Variants in OGDH observed in about 807,000 individuals in gnomAD.
OGDH encodes 2-oxoglutarate dehydrogenase complex component E1.
Under a neutral mutation model 116.6 loss-of-function variants are expected in OGDH, and 38 were observed. That is an observed-to-expected ratio of 0.33 (90% CI 0.25 to 0.43). OGDH has a LOEUF of 0.43. Among genes scored for constraint, OGDH ranks in the 20% least tolerant of loss-of-function variants. The pLI is 1.00. For synonymous variants in OGDH, 488 were observed against 533.3 expected, an observed-to-expected ratio of 0.92 and a Z score of 1.17; for missense variants, 825 against 1,357.2, an observed-to-expected ratio of 0.61 and a Z score of 6.16.
intron 2 of OGDH, among the ~76,000 whole-genome samples, chr7:44,636,376 A>G (rs2115655067): frequency 6.6e-6 from 1 of 152,332 alleles, no homozygotes; most frequent in East Asian, 1.9e-4. Flanking sequence ...CTGCTGACTC[A>G]GGAAGGGCAG....
In OGDH at chr7:44,707,742, G is replaced by T; in HGVS notation, c.2951+6G>T. On this transcript the variant is annotated splice_donor_region_variant and intron_variant, in intron 22 of 22. Coordinates refer to ENST00000222673, the MANE Select transcript of OGDH (RefSeq NM_002541.4). This position sits in a 1 kb window ranked among gnomAD's most constrained non-coding sequence, Gnocchi z 5.2. Reference sequence around the variant, plus strand: ...AGCCGCGCCAAGCCCGTCTGGTAAGGCTTCAGTCCCTGCCAGGAAGGCTGT... The same window carrying T: ...AGCCGCGCCAAGCCCGTCTGGTAAGTCTTCAGTCCCTGCCAGGAAGGCTGT... 1 of 1,614,130 alleles carries T rather than the reference G, an allele frequency of 6.2e-7. No homozygotes were observed. The highest frequency in any genetic ancestry group is 2.2e-5 in the East Asian group (1 of 44,878).
chr7:44,684,377 A>T (rs552481630), intron 10 of OGDH, among the ~76,000 whole-genome samples: 4 of 152,318 alleles, frequency 2.6e-5, no homozygotes, highest in African/African-American at 4.8e-5. Context: ...AGAGGGAAAA[A>T]TTTAAATTTA....
Position 44,697,888 on chromosome 7 carries a change from T to C in OGDH, c.2358+106T>C. ...GAGCCAGTGGCTCACACCAGCCTCCTAAGGACTCTGCTGGTGCTTCCCATC... is the reference window on the plus strand; with the variant it reads ...GAGCCAGTGGCTCACACCAGCCTCCCAAGGACTCTGCTGGTGCTTCCCATC... On this transcript the variant is annotated intron_variant, in intron 17 of 22. Transcript: ENST00000222673. This position sits in a 1 kb window ranked among gnomAD's most constrained non-coding sequence, Gnocchi z 6.0. 3 of 1,321,992 alleles carry C rather than the reference T, an allele frequency of 2.3e-6. No individual in the cohort carries two copies. Among genetic ancestry groups the C allele is most frequent in the Non-Finnish European group, 3.1e-6 (3 of 980,114 alleles). 81.9% of individuals were successfully genotyped at this position (1,321,992 alleles called of 1,614,324 possible).
At chr7:44,644,146 A>G (rs1786069711) in intron 2 of OGDH, among the ~76,000 whole-genome samples, 1 of 152,248 alleles carries the variant, frequency 6.6e-6, no homozygotes, top group South Asian at 2.1e-4. Flanking sequence ...TGGAGGTTGC[A>G]GTGAGCCAAG....
Position 44,646,704 on chromosome 7 carries a change from C to A in OGDH, c.415-953C>A, listed in dbSNP as rs1423948556. On this transcript the variant is annotated intron_variant, in intron 3 of 22. Coordinates refer to ENST00000222673, the MANE Select transcript of OGDH (RefSeq NM_002541.4). ...AGAATCTTAAATTGGAAGGGATTTT[C>A]TTTCTCCTTTTGGTTTTTAAATAGT... is the stretch of plus-strand genomic sequence containing the variant. Among the ~76,000 whole-genome samples, 3 of 152,292 alleles carry A rather than the reference C, an allele frequency of 2.0e-5. No individual in the cohort carries two copies. In the East Asian group the frequency reaches 5.8e-4, roughly 29 times the overall value.
At chr7:44,623,259 A>G (rs1292908787) in intron 1 of OGDH, among the ~76,000 whole-genome samples, 1 of 151,584 alleles carries the variant, frequency 6.6e-6, no homozygotes, top group Non-Finnish European at 1.5e-5. Flanking sequence ...CTTCCCATCC[A>G]TGTCCTTTTG....
chr7:44,611,956 A>G (rs1027975421), intron 1 of OGDH, among the ~76,000 whole-genome samples: 4 of 152,146 alleles, frequency 2.6e-5, no homozygotes, highest in Non-Finnish European at 4.4e-5. Context: ...GTTCTGGGGT[A>G]CATGTGCACA....
chr7:44,616,860 CAT>C (rs1187563752), intron 1 of OGDH, among the ~76,000 whole-genome samples: 14 of 102,044 alleles, frequency 1.4e-4, no homozygotes, highest in Non-Finnish European at 2.1e-4. Context: ...TATATATACA[CAT>C]ATATATATAC....
intron 2 of OGDH, among the ~76,000 whole-genome samples, chr7:44,642,088 T>A (rs1213271360): frequency 6.6e-6 from 1 of 152,090 alleles, no homozygotes; most frequent in Non-Finnish European, 1.5e-5. Context: ...AAACCCTGGG[T>A]TTCTTTAGCA....
intron 10 of OGDH, among the ~76,000 whole-genome samples, chr7:44,691,349 C>A (rs1788355270): frequency 6.6e-6 from 1 of 151,868 alleles, no homozygotes; most frequent in East Asian, 1.9e-4. Flanking sequence ...CAAAGTGAGA[C>A]CCTGTCTCTA....
intron 2 of OGDH, among the ~76,000 whole-genome samples, chr7:44,629,641 G>A (rs1353597507): frequency 6.9e-6 from 1 of 145,402 alleles, no homozygotes; most frequent in Non-Finnish European, 1.5e-5. Context: ...GTGCAGTGGC[G>A]CAGTCTCGGC....
At chr7:44,704,770 G>C (rs1788988927) in intron 20 of OGDH, among the ~76,000 whole-genome samples, 1 of 151,980 alleles carries the variant, frequency 6.6e-6, no homozygotes, top group African/African-American at 2.4e-5. Context: ...GAGTGCATTA[G>C]TGCAATCTCA....
In OGDH at chr7:44,708,240, G is replaced by A. The variant is rs1789174183; in HGVS notation, c.*241G>A. ...GAGCAGTTTTCCAGGAGGCCGGGGG[G>A]AGCAGGAGGAGGAAAGGTAGCCCCC... On this transcript the variant is annotated 3_prime_UTR_variant, in exon 23 of 23. Coordinates refer to ENST00000222673, the MANE Select transcript of OGDH (RefSeq NM_002541.4). 6 of 488,780 alleles carry A rather than the reference G, an allele frequency of 1.2e-5. No individual in the cohort carries two copies. Among genetic ancestry groups the A allele is most frequent in the South Asian group, 2.6e-5 (1 of 38,122 alleles). The allele number at this position is 488,780 out of a possible 1,614,324, so 30.3% of individuals were successfully genotyped here. A position where few individuals can be genotyped will look rare whatever the true frequency, so the allele number is the denominator to read the frequency against.
At position 44,624,291 on chromosome 7, in the gene OGDH, G is replaced by GTTTT. The variant is rs200113572; in HGVS notation, c.-27-10_-27-7dup. ...CTCATTTTTAAAACCTTTCTTTCTT[G>GTTTT]TTTTTTTTTTTTTTTTTTTGTACAG... On this transcript the variant is annotated intron_variant, in intron 1 of 22. Coordinates refer to ENST00000222673, the MANE Select transcript of OGDH (RefSeq NM_002541.4). 214 of 760,262 alleles carry GTTTT rather than the reference G, an allele frequency of 2.8e-4. 38 individuals are homozygous for GTTTT. Among genetic ancestry groups the GTTTT allele is most frequent in the South Asian group, 3.6e-4 (22 of 60,768 alleles). 47.1% of individuals were successfully genotyped at this position (760,262 alleles called of 1,614,324 possible).
chr7:44,673,262 G>A (rs917027174), intron 5 of OGDH, among the ~76,000 whole-genome samples: 4 of 152,112 alleles, frequency 2.6e-5, no homozygotes, highest in South Asian at 2.1e-4. Flanking sequence ...AGGCTGCAAC[G>A]GGCTCTGATA....
chr7:44,644,900 A>T (rs1382729740), intron 2 of OGDH, among the ~76,000 whole-genome samples: 1 of 152,188 alleles, frequency 6.6e-6, no homozygotes, highest in Non-Finnish European at 1.5e-5. Context: ...GCAGACCTAT[A>T]GACAGAAGGT....
intron 10 of OGDH, 63 bp from the exon 11 acceptor site, chr7:44,693,762 G>A (rs1299655250): frequency 1.8e-5 from 27 of 1,467,946 alleles, no homozygotes; most frequent in East Asian, 7.2e-5. Context: ...CCTCAGCCCC[G>A]CCCTCTGGTC....
At position 44,707,788 on chromosome 7, in the gene OGDH, G is replaced by A. The variant is rs764640112; in HGVS notation, c.2951+52G>A. 1 of 1,611,970 alleles carries A rather than the reference G, an allele frequency of 6.2e-7. No homozygotes were observed. Among genetic ancestry groups the A allele is most frequent in the East Asian group, 2.2e-5 (1 of 44,864 alleles). The stretch of plus-strand genomic sequence containing the variant: ...GCTGTGGGACCCTCCCCTCAGGCCA[G>A]TAGGCAGTTAGCCAGGCACATGCAG... On this transcript the variant is annotated intron_variant, in intron 22 of 22. Transcript: ENST00000222673. This position sits in a 1 kb window ranked among gnomAD's most constrained non-coding sequence, Gnocchi z 5.2.
At chr7:44,640,327 A>T (rs1429209850) in intron 2 of OGDH, among the ~76,000 whole-genome samples, 1 of 152,140 alleles carries the variant, frequency 6.6e-6, no homozygotes, top group African/African-American at 2.4e-5. Context: ...GCCTGAGCCC[A>T]CATCTCTCCA....
Sources: gnomAD v4.1 joint callset for allele counts (sites outside exome capture counted in the v4.1 genomes callset) on GRCh38, gnomAD v4.1.1 for gene constraint, Gnocchi (gnomAD v3.1) non-coding constraint, MANE v1.5 for transcripts, NCBI Gene and HGNC (gene_info 2026-07-23, HGNC 2026-07-21) for gene names.